Variants in TMEM41B observed in about 807,000 individuals in gnomAD.
The protein encoded by TMEM41B is protein stasimon.
Under a neutral mutation model 31.9 loss-of-function variants are expected in TMEM41B, and 18 were observed. The observed-to-expected ratio is 0.56, with a 90% confidence interval of 0.39 to 0.84. The LOEUF is 0.84. Among genes scored for constraint, TMEM41B ranks in the 40% least tolerant of loss-of-function variants. The pLI is 0.00. For missense variants in TMEM41B, 322 were observed against 348.0 expected, an observed-to-expected ratio of 0.93 and a Z score of 0.59; for synonymous variants, 144 against 124.3, an observed-to-expected ratio of 1.16 and a Z score of -1.05.
Position 9,301,313 on chromosome 11 carries a change from T to C in TMEM41B, c.122-1612A>G, listed in dbSNP as rs192608510. On this transcript the variant is annotated intron_variant, in intron 1 of 6. Coordinates refer to ENST00000528080, the MANE Select transcript of TMEM41B (RefSeq NM_015012.4). ...GGGAGGCTGGGGCAGGAGAATGGCATGAACCTGGGAGGCGGAGCTTGCAGT... is the reference window on the plus strand; with the variant it reads ...GGGAGGCTGGGGCAGGAGAATGGCACGAACCTGGGAGGCGGAGCTTGCAGT... Among the ~76,000 whole-genome samples the C allele has an allele frequency of 2.6e-5, 4 of 152,204 alleles. No individual in the cohort carries two copies. In the East Asian group the frequency reaches 5.8e-4, roughly 22 times the overall value.
At chr11:9,308,885 T>G (rs1853463893) in intron 1 of TMEM41B, among the ~76,000 whole-genome samples, 2 of 152,186 alleles carry the variant, frequency 1.3e-5, no homozygotes, top group South Asian at 4.1e-4. Context: ...AGCATTTAGC[T>G]TACCTGAAGC....
rs907838222 is a variant in TMEM41B, at chr11:9,314,534, C to T, written c.-93G>A. Reference sequence around the variant, plus strand: ...TCCTTACTACGCCGAAGCGCCACGGCTAGAGCCACTTCCGGCGCGACCTCC... The same window carrying T: ...TCCTTACTACGCCGAAGCGCCACGGTTAGAGCCACTTCCGGCGCGACCTCC... On this transcript the variant is annotated 5_prime_UTR_variant, in exon 1 of 7. Transcript: ENST00000528080. The T allele has an allele frequency of 1.4e-6, 2 of 1,443,530 alleles. No individual in the cohort carries two copies. The highest frequency in any genetic ancestry group is 2.9e-5 in the African/African-American group (2 of 69,288). The allele number at this position is 1,443,530 out of a possible 1,614,324, so 89.4% of individuals were successfully genotyped here.
At chr11:9,309,211 A>G (rs1174710923) in intron 1 of TMEM41B, among the ~76,000 whole-genome samples, 1 of 151,706 alleles carries the variant, frequency 6.6e-6, no homozygotes, top group East Asian at 1.9e-4. Flanking sequence ...GCACCATTGC[A>G]CTCCAGCCTG....
chr11:9,291,149 G>C (rs765266615), intron 3 of TMEM41B, among the ~76,000 whole-genome samples: 1 of 151,848 alleles, frequency 6.6e-6, no homozygotes, highest in South Asian at 2.1e-4. Context: ...GGCTGGGCGC[G>C]GTGGCTCATA....
intron 6 of TMEM41B, among the ~76,000 whole-genome samples, chr11:9,286,004 C>A (rs1353083910): frequency 6.6e-6 from 1 of 151,884 alleles, no homozygotes; most frequent in Non-Finnish European, 1.5e-5. Flanking sequence ...AGTACCAGCT[C>A]CTTGGGAGGC....
chr11:9,296,989 C>A (rs529916603), intron 2 of TMEM41B, among the ~76,000 whole-genome samples: 1 of 152,306 alleles, frequency 6.6e-6, no homozygotes, highest in East Asian at 1.9e-4. Flanking sequence ...ATGGCACGAT[C>A]ATAGCTCAAT....
chr11:9,296,591 G>C (rs1305910123), intron 2 of TMEM41B, among the ~76,000 whole-genome samples: 6 of 123,810 alleles, frequency 4.8e-5, no homozygotes, highest in Admixed American at 2.9e-4. Flanking sequence ...CTGGGCAACA[G>C]AGACTCCGTC....
intron 3 of TMEM41B, among the ~76,000 whole-genome samples, chr11:9,294,019 G>C (rs1330873378): frequency 6.6e-6 from 1 of 150,914 alleles, no homozygotes; most frequent in African/African-American, 2.4e-5. Flanking sequence ...GCAAAACCTG[G>C]CATCTACAAA....
At chr11:9,294,897 T>C (rs1853047531) in intron 3 of TMEM41B, among the ~76,000 whole-genome samples, 1 of 151,986 alleles carries the variant, frequency 6.6e-6, no homozygotes, top group Non-Finnish European at 1.5e-5. Flanking sequence ...ATTATAAAAA[T>C]ACTATGGTGA....
At chr11:9,285,566 C>A (rs960933825) in intron 6 of TMEM41B, among the ~76,000 whole-genome samples, 5 of 152,066 alleles carry the variant, frequency 3.3e-5, no homozygotes, top group African/African-American at 1.2e-4. Context: ...TACAAAGAAT[C>A]ATGAGAATTC....
intron 1 of TMEM41B, among the ~76,000 whole-genome samples, chr11:9,308,383 T>C (rs1299092815): frequency 2.0e-5 from 3 of 152,170 alleles, no homozygotes; most frequent in Non-Finnish European, 4.4e-5. Flanking sequence ...ATCATTAAGA[T>C]GGAGAACTTG....
rs767923058 is a variant in TMEM41B, at chr11:9,283,388, G to A, written c.*36C>T. On this transcript the variant is annotated 3_prime_UTR_variant, in exon 7 of 7. Coordinates refer to ENST00000528080, the MANE Select transcript of TMEM41B (RefSeq NM_015012.4). ...GGATGCACCTGTTAATCCTGAGATG[G>A]TGATGACAGCAAAACTAAAAATCAG... The A allele has an allele frequency of 1.3e-6, 2 of 1,537,228 alleles. No homozygotes were observed. Among genetic ancestry groups the A allele is most frequent in the South Asian group, 2.4e-5 (2 of 84,518 alleles).
intron 6 of TMEM41B, among the ~76,000 whole-genome samples, chr11:9,286,064 G>A (rs1322329341): frequency 1.3e-5 from 2 of 152,076 alleles, no homozygotes; most frequent in East Asian, 1.9e-4. Context: ...GCAGTGAGCC[G>A]AGATCATGCC....
chr11:9,308,481 C>A (rs1853454440), intron 1 of TMEM41B, among the ~76,000 whole-genome samples: 1 of 152,198 alleles, frequency 6.6e-6, no homozygotes, highest in Non-Finnish European at 1.5e-5. Context: ...TCATTCTCTT[C>A]CTTCCATGCC....
At chr11:9,285,219 A>G (rs7944258) in intron 6 of TMEM41B, among the ~76,000 whole-genome samples, 4 of 151,244 alleles carry the variant, frequency 2.6e-5, no homozygotes, top group Non-Finnish European at 4.4e-5. Flanking sequence ...TGAGTAGCTG[A>G]GACTACAGGC....
intron 1 of TMEM41B, among the ~76,000 whole-genome samples, chr11:9,300,205 T>C (rs1468230943): frequency 2.0e-5 from 3 of 152,172 alleles, no homozygotes; most frequent in Non-Finnish European, 4.4e-5. Context: ...TGGGGGGATA[T>C]ATCCATTTTA....
chr11:9,313,783 C>G (rs1464016539), intron 1 of TMEM41B, among the ~76,000 whole-genome samples: 1 of 152,114 alleles, frequency 6.6e-6, no homozygotes, highest in Non-Finnish European at 1.5e-5. Context: ...ATTATTATCC[C>G]CATTTCACAG....
In TMEM41B at chr11:9,283,697, C is replaced by G. The variant is rs560899912; in HGVS notation, c.707-104G>C. 4.0e-5 allele frequency: 39 copies of G among 972,904 alleles called. No individual in the cohort carries two copies. In the African/African-American group the frequency reaches 5.2e-4, roughly 13 times the overall value. 60.3% of individuals were successfully genotyped at this position (972,904 alleles called of 1,614,324 possible). ...GTTTCTTAAAACAACACAGCTATTT[C>G]CATTTTGGAAAAAAAATTAAGAATT... On this transcript the variant is annotated intron_variant, in intron 6 of 6. Transcript: ENST00000528080.
At chr11:9,297,287 G>A (rs540611370) in intron 2 of TMEM41B, among the ~76,000 whole-genome samples, 41 of 152,130 alleles carry the variant, frequency 2.7e-4, no homozygotes, top group African/African-American at 8.0e-4. Flanking sequence ...GTTTCTCCAC[G>A]TTAGCCAGTC....
Sources: allele counts gnomAD v4.1 joint callset (sites outside exome capture counted in the v4.1 genomes callset), GRCh38; gene constraint gnomAD v4.1.1; transcripts MANE v1.5; gene names NCBI Gene and HGNC (gene_info 2026-07-23, HGNC 2026-07-21).